Variants in MTUS2 observed in about 807,000 individuals in gnomAD.
MTUS2 encodes microtubule-associated tumor suppressor candidate 2.
MTUS2 carries 40 observed loss-of-function variants against 114.1 expected under a neutral mutation model. The observed-to-expected ratio is 0.35, with a 90% CI of 0.27 to 0.46. The LOEUF is 0.46. Ranked by LOEUF, MTUS2 falls within the 20% of genes least tolerant of loss-of-function variation. MTUS2 has a pLI of 1.00. For synonymous variants in MTUS2, 688 were observed against 672.0 expected, an observed-to-expected ratio of 1.02 and a Z score of -0.37; for missense variants, 1,679 against 1,705.4, an observed-to-expected ratio of 0.98 and a Z score of 0.27.
At chr13:29,406,224 A>AG (rs143920989) in intron 8 of MTUS2, among the ~76,000 whole-genome samples, 1,937 of 152,288 alleles carry the variant, frequency 0.013, 24 homozygotes, top group Non-Finnish European at 0.019. Flanking sequence ...AATTACCCCC[A>AG]GCTGAGCAGC....
intron 2 of MTUS2, among the ~76,000 whole-genome samples, chr13:29,014,393 C>T (rs1352326302): frequency 2.0e-5 from 3 of 152,166 alleles, no homozygotes; most frequent in African/African-American, 7.2e-5. Context: ...ATTAGGAAAG[C>T]TTAATGATGA....
chr13:29,389,467 GTATATGTATACACGTGTGTGTATGTGTA>G lies in MTUS2; in HGVS notation c.3117+30042_3117+30069del, dbSNP rs1566173188. ...TGTATGTATACACGTGTGTGTATGT[GTATATGTATACACGTGTGTGTATGTGTA>G]TATATGTATACACGTGTGTGTATGT... On this transcript the variant is annotated intron_variant, in intron 8 of 15. Transcript: ENST00000612955. 4.7e-4 allele frequency among the ~76,000 whole-genome samples: 35 copies of G among 74,086 alleles called. 4 individuals are homozygous for G. The highest frequency in any genetic ancestry group is 1.4e-3 in the African/African-American group (32 of 23,558). The allele number at this position is 74,086 out of a possible 152,430, so 48.6% of individuals were successfully genotyped here. A position where few individuals can be genotyped will look rare whatever the true frequency, so the allele number is the denominator to read the frequency against.
chr13:29,282,939 T>A (rs1898333521), intron 6 of MTUS2, among the ~76,000 whole-genome samples: 1 of 152,192 alleles, frequency 6.6e-6, no homozygotes, highest in Admixed American at 6.5e-5. Flanking sequence ...ATTCCTTCAC[T>A]AGTGGGTATT....
chr13:29,330,476 C>T (rs181895361), intron 7 of MTUS2, among the ~76,000 whole-genome samples: 25 of 152,144 alleles, frequency 1.6e-4, no homozygotes, highest in Admixed American at 8.5e-4. Flanking sequence ...TTTGTTGCCA[C>T]AGCTTTTGGT....
intron 2 of MTUS2, among the ~76,000 whole-genome samples, chr13:28,850,028 A>G (rs1310015978): frequency 1.3e-5 from 2 of 152,300 alleles, no homozygotes; most frequent in Admixed American, 6.5e-5. Flanking sequence ...GGACAAATGC[A>G]GCTTTTCATG....
At chr13:29,206,987 T>C (rs1374800073) in intron 5 of MTUS2, among the ~76,000 whole-genome samples, 3 of 152,192 alleles carry the variant, frequency 2.0e-5, no homozygotes, top group African/African-American at 7.2e-5. Context: ...AATTTGTAGA[T>C]TGCTTTTGGC....
intron 12 of MTUS2, among the ~76,000 whole-genome samples, chr13:29,494,133 A>G (rs1882373587): frequency 1.3e-5 from 2 of 152,366 alleles, no homozygotes; most frequent in Middle Eastern, 6.8e-3. Context: ...TAAAATAAGG[A>G]TGATGACAGT....
At chr13:29,475,289 G>T (rs545951252) in intron 9 of MTUS2, among the ~76,000 whole-genome samples, 2 of 152,178 alleles carry the variant, frequency 1.3e-5, no homozygotes, top group African/African-American at 4.8e-5. Flanking sequence ...GCTGCCAATC[G>T]TATAAAAGTC....
At chr13:29,023,560 T>A (rs1886381947) in intron 2 of MTUS2, among the ~76,000 whole-genome samples, 1 of 152,196 alleles carries the variant, frequency 6.6e-6, no homozygotes, top group Non-Finnish European at 1.5e-5. Context: ...CATGTATATT[T>A]CAAGAACCAA....
rs1344439108 is a variant in MTUS2, at chr13:29,025,482, G to A, written c.784G>A (p.Val262Met). Reference protein sequence around the residue: ...KQSTPSETQTVGAHVLQVCSE... With the variant: ...KQSTPSETQTMGAHVLQVCSE... ...GAGCACTCCCTCAGAGACCCAAACAGTGGGGGCACATGTACTGCAGGTGTG... is the reference window on the plus strand; with the variant it reads ...GAGCACTCCCTCAGAGACCCAAACAATGGGGGCACATGTACTGCAGGTGTG... Residue 262 changes from valine (V) to methionine (M), a missense_variant, in exon 3 of 16, where the codon GTG becomes ATG. Physicochemically the swap from Val to Met is conservative, Grantham distance 21 (BLOSUM62 1). Coordinates refer to ENST00000612955, the MANE Select transcript of MTUS2 (RefSeq NM_001033602.4). 8 of 1,613,514 alleles carry A rather than the reference G, an allele frequency of 5.0e-6. No homozygotes were observed. The highest frequency in any genetic ancestry group is 6.8e-6 in the Non-Finnish European group (8 of 1,179,684).
intron 4 of MTUS2, among the ~76,000 whole-genome samples, chr13:29,039,444 C>T (rs529683345): frequency 1.3e-4 from 20 of 152,314 alleles, no homozygotes; most frequent in Non-Finnish European, 7.3e-5. Context: ...CGGCGCGTCA[C>T]GGAATCAGGG....
At chr13:29,184,877 G>A (rs964423799) in intron 5 of MTUS2, among the ~76,000 whole-genome samples, 3 of 152,030 alleles carry the variant, frequency 2.0e-5, no homozygotes, top group African/African-American at 7.2e-5. Context: ...AATAAAGAAA[G>A]TGTGGCCAAA....
chr13:29,078,795 C>T (rs1289838018), intron 4 of MTUS2, among the ~76,000 whole-genome samples: 1 of 152,182 alleles, frequency 6.6e-6, no homozygotes, highest in Non-Finnish European at 1.5e-5. Context: ...GAAAAATATT[C>T]CAGTGTATAG....
intron 2 of MTUS2, among the ~76,000 whole-genome samples, chr13:28,970,730 C>T (rs1883817862): frequency 6.6e-6 from 1 of 152,158 alleles, no homozygotes. Context: ...ATGCCATATT[C>T]CCCTCCATCC....
rs1423259205 is a variant in MTUS2 at position 29,480,146 on chromosome 13, C to T, written c.3185-4C>T. On this transcript the variant is annotated splice_polypyrimidine_tract_variant and splice_region_variant and intron_variant, in intron 9 of 15. Transcript: ENST00000612955. The surrounding 1 kb of genome is among the most constrained non-coding windows in gnomAD (Gnocchi z 4.4). Reference sequence around the variant, plus strand: ...TAAAGAAAGATCTTGTGCTTTGCGCCCAGCCTTCCATACAGCAAAGTGCGA... The same window carrying T: ...TAAAGAAAGATCTTGTGCTTTGCGCTCAGCCTTCCATACAGCAAAGTGCGA... The T allele has an allele frequency of 1.9e-6, 3 of 1,552,186 alleles. No individual in the cohort carries two copies. Among genetic ancestry groups the T allele is most frequent in the Admixed American group, 3.9e-5 (2 of 51,080 alleles).
intron 8 of MTUS2, among the ~76,000 whole-genome samples, chr13:29,403,143 C>G (rs944041884): frequency 2.0e-5 from 3 of 152,206 alleles, no homozygotes; most frequent in African/African-American, 7.2e-5. Flanking sequence ...GCCCTATCCT[C>G]CAATTCAAAT....
chr13:29,020,114 C>T (rs1050750776), intron 2 of MTUS2, among the ~76,000 whole-genome samples: 2 of 152,142 alleles, frequency 1.3e-5, no homozygotes, highest in Non-Finnish European at 2.9e-5. Flanking sequence ...TCTTAAGCAT[C>T]AGGTAGGTTA....
In MTUS2 at chr13:29,051,552, C is replaced by A. The variant is rs184766337; in HGVS notation, c.2446+17427C>A. ...TGTGCCCCAAGATGGGCCCCTACAA[C>A]ATTCTGACATTTAAAGATCTGGCAA... On this transcript the variant is annotated intron_variant, in intron 4 of 15. Transcript: ENST00000612955. Among the ~76,000 whole-genome samples the A allele has an allele frequency of 1.8e-3, 268 of 152,232 alleles. 2 individuals are homozygous for A. The South Asian group carries it at 0.022, about 13-fold the overall frequency.
intron 8 of MTUS2, among the ~76,000 whole-genome samples, chr13:29,381,342 A>G (rs1872189948): frequency 6.6e-6 from 1 of 152,234 alleles, no homozygotes; most frequent in Non-Finnish European, 1.5e-5. Context: ...ATATTGTGTA[A>G]AATTAGAGGC....
Sources: allele counts gnomAD v4.1 joint callset (sites outside exome capture counted in the v4.1 genomes callset), GRCh38; gene constraint gnomAD v4.1.1; non-coding constraint Gnocchi (gnomAD v3.1); transcripts MANE v1.5; gene names NCBI Gene and HGNC (gene_info 2026-07-23, HGNC 2026-07-21).